GHR: variants seen among roughly 807,000 people sequenced by gnomAD.
GHR encodes growth hormone receptor, also known as GH receptor.
Under a neutral mutation model 67.1 loss-of-function variants are expected in GHR, and 35 were observed. The observed-to-expected ratio is 0.52, with a 90% CI of 0.40 to 0.69. The LOEUF (loss-of-function observed/expected upper bound fraction) is 0.69. Among genes scored for constraint, GHR ranks in the 30% least tolerant of loss-of-function variants. The pLI is 0.00. For missense variants in GHR, 792 were observed against 764.6 expected (o/e 1.04, Z -0.42); for synonymous variants, 272 against 269.1 (o/e 1.01, Z -0.10).
rs180904425 is a variant in GHR at position 42,564,096 on chromosome 5, C to G, written c.-11-1768C>G. On this transcript the variant is annotated intron_variant, in intron 1 of 9. Coordinates refer to ENST00000230882, the MANE Select transcript of GHR (RefSeq NM_000163.5). Reference sequence around the variant, plus strand: ...CACAACTCATATTTATTTGAAATCTCACAAAGTGTGAGATTTATTTGAAAT... The same window carrying G: ...CACAACTCATATTTATTTGAAATCTGACAAAGTGTGAGATTTATTTGAAAT... Among the ~76,000 whole-genome samples the G allele has an allele frequency of 2.0e-3, 298 of 151,062 alleles. 1 individual carries two copies. The highest frequency in any genetic ancestry group is 3.6e-3 in the Non-Finnish European group (246 of 67,680).
At chr5:42,533,524 A>G (rs889419555) in intron 1 of GHR, among the ~76,000 whole-genome samples, 15 of 151,802 alleles carry the variant, frequency 9.9e-5, no homozygotes, top group African/African-American at 3.4e-4. Flanking sequence ...AAATGACTTT[A>G]TTTTGCATAG....
chr5:42,432,257 A>G (rs193253221), intron 1 of GHR, among the ~76,000 whole-genome samples: 447 of 152,336 alleles, frequency 2.9e-3, no homozygotes, highest in African/African-American at 0.01. Context: ...ATTAAGCATT[A>G]TATCTATCTT....
chr5:42,646,610 AG>A (rs1754742394), intron 3 of GHR, among the ~76,000 whole-genome samples: 1 of 152,194 alleles, frequency 6.6e-6, no homozygotes, highest in Non-Finnish European at 1.5e-5. Flanking sequence ...ATATTTCTTA[AG>A]GGAATGAATG....
In GHR at chr5:42,544,667, G is replaced by A. The variant is rs144212281; in HGVS notation, c.-11-21197G>A. ...ACCCTTGTTTTGACTGTCACTCACCGTAAGAAAATATTAGGTATACAAAGT... is the reference window on the plus strand; with the variant it reads ...ACCCTTGTTTTGACTGTCACTCACCATAAGAAAATATTAGGTATACAAAGT... On this transcript the variant is annotated intron_variant, in intron 1 of 9. Coordinates refer to ENST00000230882, the MANE Select transcript of GHR (RefSeq NM_000163.5). Among the ~76,000 whole-genome samples the A allele has an allele frequency of 5.4e-3, 815 of 152,156 alleles. 4 individuals carry two copies. Among genetic ancestry groups the A allele is most frequent in the Admixed American group, 9.2e-3 (140 of 15,280 alleles).
intron 2 of GHR, among the ~76,000 whole-genome samples, chr5:42,618,820 G>A (rs77571936): frequency 0.019 from 2,859 of 152,136 alleles, 82 homozygotes; most frequent in African/African-American, 0.063. Flanking sequence ...AATGGTGTAA[G>A]GTAGACAAAG....
intron 1 of GHR, among the ~76,000 whole-genome samples, chr5:42,430,607 C>CGTGTGTGTGTGTGT (rs141602161): frequency 0.017 from 2,476 of 147,472 alleles, 46 homozygotes; most frequent in African/African-American, 0.05. Flanking sequence ...ATGCTAGTCC[C>CGTGTGTGTGTGTGT]GTGTGTGTGT....
chr5:42,682,582 C>A (rs563521634), intron 3 of GHR, among the ~76,000 whole-genome samples: 5 of 152,110 alleles, frequency 3.3e-5, no homozygotes, highest in Non-Finnish European at 7.4e-5. Flanking sequence ...GCCACAGCGG[C>A]ACAATGGTAC....
chr5:42,591,585 G>C (rs76473207), intron 2 of GHR, among the ~76,000 whole-genome samples: 2 of 152,180 alleles, frequency 1.3e-5, no homozygotes, highest in East Asian at 3.9e-4. Flanking sequence ...TCATGCAGTT[G>C]CCAAAGTTTT....
intron 7 of GHR, 47 bp downstream of exon 7, chr5:42,711,419 A>G (rs749379556): frequency 2.4e-5 from 32 of 1,348,984 alleles, no homozygotes; most frequent in Non-Finnish European, 3.4e-5. Context: ...GGCTTTTGTC[A>G]ATATAACAGT....
intron 2 of GHR, among the ~76,000 whole-genome samples, chr5:42,576,040 TTAA>T (rs1750647732): frequency 3.8e-5 from 1 of 26,640 alleles, no homozygotes; most frequent in African/African-American, 1.8e-4. Context: ...TCTCAGAAAA[TTAA>T]AATAATAAAA....
At chr5:42,639,939 A>C (rs537973657) in intron 3 of GHR, among the ~76,000 whole-genome samples, 1 of 152,162 alleles carries the variant, frequency 6.6e-6, no homozygotes, top group African/African-American at 2.4e-5. Context: ...CCTGAGAGCA[A>C]TTGAAGAAGG....
intron 1 of GHR, among the ~76,000 whole-genome samples, chr5:42,477,394 C>A (rs1406804573): frequency 6.6e-6 from 1 of 152,110 alleles, no homozygotes; most frequent in African/African-American, 2.4e-5. Context: ...TGGGTATATA[C>A]CCCAGTAATG....
rs570492558 is a variant in GHR, at chr5:42,499,422, A to C, written c.-11-66442A>C. ...CCAGGCCTGGGTGGTGCCTGTTGTGATATAAGAAGGGAAGAGTGATGGTTT... is the reference window on the plus strand; with the variant it reads ...CCAGGCCTGGGTGGTGCCTGTTGTGCTATAAGAAGGGAAGAGTGATGGTTT... On this transcript the variant is annotated intron_variant, in intron 1 of 9. Transcript: ENST00000230882. Among the ~76,000 whole-genome samples the C allele has an allele frequency of 9.9e-4, 151 of 152,198 alleles. 2 individuals are homozygous for C. The highest frequency in any genetic ancestry group is 3.5e-3 in the African/African-American group (144 of 41,544).
chr5:42,702,893 C>A (rs947704578), intron 6 of GHR, among the ~76,000 whole-genome samples: 2 of 151,874 alleles, frequency 1.3e-5, no homozygotes, highest in Non-Finnish European at 2.9e-5. Context: ...AGGTCCTTTG[C>A]CCATTTTTTA....
At position 42,606,354 on chromosome 5, in the gene GHR, G is replaced by C. The variant is rs532649946; in HGVS notation, c.71-22684G>C. 1.1e-3 allele frequency among the ~76,000 whole-genome samples: 163 copies of C among 152,296 alleles called. 1 individual carries two copies. The highest frequency in any genetic ancestry group is 2.0e-3 in the Non-Finnish European group (139 of 68,040). On this transcript the variant is annotated intron_variant, in intron 2 of 9. Transcript: ENST00000230882. ...GTTGCTGGGTAATTTATGAGGAAGA[G>C]AGGTTTATTTGGTTCATGGTTCTGC...
chr5:42,427,307 A>G (rs535056160), intron 1 of GHR, among the ~76,000 whole-genome samples: 1 of 152,342 alleles, frequency 6.6e-6, no homozygotes, highest in Non-Finnish European at 1.5e-5. Flanking sequence ...GAGGCCTCAC[A>G]ATCATGGCGG....
At chr5:42,579,287 C>T (rs924592850) in intron 2 of GHR, among the ~76,000 whole-genome samples, 2 of 152,164 alleles carry the variant, frequency 1.3e-5, no homozygotes, top group African/African-American at 4.8e-5. Flanking sequence ...ACCAGAATTT[C>T]CCAACCTTGT....
intron 1 of GHR, among the ~76,000 whole-genome samples, chr5:42,500,495 G>T (rs1746496286): frequency 6.6e-6 from 1 of 152,236 alleles, no homozygotes. Flanking sequence ...AATCAATACT[G>T]TGGGGCAAAC....
intron 3 of GHR, among the ~76,000 whole-genome samples, chr5:42,632,491 C>G (rs958082699): frequency 6.6e-6 from 1 of 152,218 alleles, no homozygotes; most frequent in Admixed American, 6.5e-5. Context: ...TCTTTCTTCT[C>G]TTGCTCACCA....
Sources: allele counts gnomAD v4.1 joint callset (sites outside exome capture counted in the v4.1 genomes callset), GRCh38; gene constraint gnomAD v4.1.1; transcripts MANE v1.5; gene names NCBI Gene and HGNC (gene_info 2026-07-23, HGNC 2026-07-21).